Variants in SPATA12 observed in about 807,000 individuals in gnomAD.
SPATA12 encodes spermatogenesis-associated protein 12.
For missense variants in SPATA12, 219 were observed against 226.4 expected (o/e 0.97, Z 0.21); for synonymous variants, 85 against 89.2 (o/e 0.95, Z 0.26).
intron 1 of SPATA12, among the ~76,000 whole-genome samples, chr3:57,062,069 C>T (rs1353587455): frequency 6.6e-6 from 1 of 152,092 alleles, no homozygotes; most frequent in Non-Finnish European, 1.5e-5. Flanking sequence ...CAGGGATGCT[C>T]CACTGGATTG....
intron 1 of SPATA12, among the ~76,000 whole-genome samples, chr3:57,061,450 A>G (rs192836683): frequency 5.9e-5 from 9 of 152,358 alleles, no homozygotes; most frequent in Admixed American, 5.9e-4. Context: ...GGTGTGAGCC[A>G]TCTCACTCAA....
chr3:57,071,505 C>T (rs1705901649), intron 1 of SPATA12, among the ~76,000 whole-genome samples: 1 of 151,858 alleles, frequency 6.6e-6, no homozygotes, highest in Admixed American at 6.6e-5. Flanking sequence ...ACTAAAAATA[C>T]AAAAATCAGC....
intron 1 of SPATA12, among the ~76,000 whole-genome samples, chr3:57,069,112 G>A (rs187124614): frequency 2.2e-4 from 33 of 152,000 alleles, no homozygotes; most frequent in East Asian, 1.9e-4. Context: ...TAGCAGAGAC[G>A]GGGTTTCACC....
rs1004333853 is a variant in SPATA12, at chr3:57,074,974, C to A, written c.*707C>A. The A allele has an allele frequency of 1.2e-5, 2 of 167,292 alleles. No homozygotes were observed. The highest frequency in any genetic ancestry group is 1.3e-4 in the Admixed American group (2 of 15,282). 10.4% of individuals were successfully genotyped at this position (167,292 alleles called of 1,614,324 possible). A position where few individuals can be genotyped will look rare whatever the true frequency, so the allele number is the denominator to read the frequency against. ...GAGGGCAGGAGGAGAGTTCTGCCTA[C>A]ATTGTCTCATTTTCCCTCCCCTTCT... On this transcript the variant is annotated 3_prime_UTR_variant, in exon 2 of 2. Coordinates refer to ENST00000334325, the MANE Select transcript of SPATA12 (RefSeq NM_181727.2).
intron 1 of SPATA12, among the ~76,000 whole-genome samples, chr3:57,072,443 T>TAAA (rs35145725): frequency 6.9e-6 from 1 of 144,766 alleles, no homozygotes. Flanking sequence ...AATAAAGAAT[T>TAAA]AAAAAAAAAA....
intron 1 of SPATA12, among the ~76,000 whole-genome samples, chr3:57,064,130 A>G (rs1210183095): frequency 6.6e-6 from 1 of 152,058 alleles, no homozygotes; most frequent in African/African-American, 2.4e-5. Flanking sequence ...TTAATTGGGC[A>G]TAGTGGTGCA....
chr3:57,074,522 C>A lies in SPATA12; in HGVS notation c.*255C>A, dbSNP rs1000850072. 11 of 504,596 alleles carry A rather than the reference C, an allele frequency of 2.2e-5. No homozygotes were observed. The highest frequency in any genetic ancestry group is 2.9e-5 in the Non-Finnish European group (8 of 275,454). The allele number at this position is 504,596 out of a possible 1,614,324, so 31.3% of individuals were successfully genotyped here. The stretch of plus-strand genomic sequence containing the variant: ...CACAATCCAGATCTCATACTCTTAG[C>A]CCCCGGGGAACCTTCACTGTATTAA... On this transcript the variant is annotated 3_prime_UTR_variant, in exon 2 of 2. Coordinates refer to ENST00000334325, the MANE Select transcript of SPATA12 (RefSeq NM_181727.2).
At chr3:57,072,153 C>G (rs1217259792) in intron 1 of SPATA12, among the ~76,000 whole-genome samples, 1 of 152,118 alleles carries the variant, frequency 6.6e-6, no homozygotes, top group African/African-American at 2.4e-5. Flanking sequence ...AAACTGGAAC[C>G]CTCGTGCACT....
chr3:57,073,036 ACT>A (rs1198327193), intron 1 of SPATA12, among the ~76,000 whole-genome samples: 2 of 152,176 alleles, frequency 1.3e-5, no homozygotes, highest in East Asian at 1.9e-4. Context: ...ACAGAGTGAG[ACT>A]CTGTCTCAAA....
chr3:57,063,059 G>A (rs1042364246), intron 1 of SPATA12, among the ~76,000 whole-genome samples: 5 of 152,184 alleles, frequency 3.3e-5, no homozygotes, highest in Admixed American at 6.5e-5. Flanking sequence ...CAGTGGTAAC[G>A]GTTTAGACAC....
At chr3:57,067,268 G>A (rs1487131548) in intron 1 of SPATA12, among the ~76,000 whole-genome samples, 2 of 151,608 alleles carry the variant, frequency 1.3e-5, no homozygotes, top group South Asian at 2.1e-4. Context: ...TGGCTAACAC[G>A]GTGAAACCCT....
intron 1 of SPATA12, among the ~76,000 whole-genome samples, chr3:57,062,154 A>G (rs1705255221): frequency 1.1e-5 from 1 of 87,012 alleles, no homozygotes; most frequent in Non-Finnish European, 2.3e-5. Flanking sequence ...ATTTGTAGGA[A>G]GATCCCTGGA....
At position 57,073,748 on chromosome 3, in the gene SPATA12, C is replaced by T. The variant is rs1325238060; in HGVS notation, c.54C>T (p.Thr18=). The stretch of plus-strand genomic sequence containing the variant: ...CCACCTTAGAAAAGTCAGGAGACAC[C>T]TGGGAAATGAAGGCACTAGACTCTT... ...CGSTLEKSGD[T]WEMKALDSSR... Residue 18 remains threonine, a synonymous_variant, in exon 2 of 2, where the codon ACC becomes ACT. Coordinates refer to ENST00000334325, the MANE Select transcript of SPATA12 (RefSeq NM_181727.2). The T allele has an allele frequency of 6.2e-7, 1 of 1,614,086 alleles. No homozygotes were observed. Among genetic ancestry groups the T allele is most frequent in the African/African-American group, 1.3e-5 (1 of 74,918 alleles).
intron 1 of SPATA12, among the ~76,000 whole-genome samples, chr3:57,063,813 A>G (rs1272344743): frequency 6.6e-6 from 1 of 152,210 alleles, no homozygotes; most frequent in Non-Finnish European, 1.5e-5. Context: ...AGGGGAGTGG[A>G]AGCCAAGCCT....
At chr3:57,067,932 G>C (rs1705653534) in intron 1 of SPATA12, among the ~76,000 whole-genome samples, 1 of 152,002 alleles carries the variant, frequency 6.6e-6, no homozygotes, top group African/African-American at 2.4e-5. Context: ...AGAGCTTGCA[G>C]TGAGCCAAGA....
intron 1 of SPATA12, among the ~76,000 whole-genome samples, chr3:57,066,357 G>T (rs1454509987): frequency 2.6e-5 from 4 of 151,938 alleles, no homozygotes; most frequent in Non-Finnish European, 5.9e-5. Flanking sequence ...CGCCTCCCAG[G>T]TTCAAGCGAT....
intron 1 of SPATA12, among the ~76,000 whole-genome samples, chr3:57,062,581 T>C (rs905098335): frequency 2.0e-5 from 3 of 152,158 alleles, no homozygotes; most frequent in African/African-American, 7.2e-5. Flanking sequence ...CCAGTAGTAC[T>C]GAACAAAACA....
Position 57,074,130 on chromosome 3 carries a change from A to C in SPATA12, c.436A>C (p.Arg146=). The change falls in exon 2 of 2, where the codon AGA becomes CGA. Residue 146 remains arginine (R), a synonymous_variant. Coordinates refer to ENST00000334325, the MANE Select transcript of SPATA12 (RefSeq NM_181727.2). ...DNERTTGWLW[R]LCEDIDAEPS... is the part of the protein sequence containing the mutation. ...TGAGAGGACCACAGGATGGTTGTGG[A>C]GACTGTGTGAGGATATAGATGCCGA... 1 of 1,614,038 alleles carries C rather than the reference A, an allele frequency of 6.2e-7. No homozygotes were observed. The highest frequency in any genetic ancestry group is 8.5e-7 in the Non-Finnish European group (1 of 1,179,876).
intron 1 of SPATA12, among the ~76,000 whole-genome samples, chr3:57,073,070 C>A (rs1323491702): frequency 6.6e-6 from 1 of 151,800 alleles, no homozygotes; most frequent in Non-Finnish European, 1.5e-5. Context: ...AAAGAAAAAA[C>A]ATTAGTTGGT....
Sources: allele counts gnomAD v4.1 joint callset (sites outside exome capture counted in the v4.1 genomes callset), GRCh38; gene constraint gnomAD v4.1.1; transcripts MANE v1.5; gene names NCBI Gene and HGNC (gene_info 2026-07-23, HGNC 2026-07-21).